The following BBOF1 variants were observed in gnomAD, a reference collection of about 807,000 sequenced individuals.
The protein encoded by BBOF1 is basal body orientation factor 1.
Under a neutral mutation model 68.0 loss-of-function variants are expected in BBOF1, and 62 were observed. The ratio of observed to expected loss-of-function variants is 0.91; its 90% CI spans 0.74 to 1.13. BBOF1 has a LOEUF of 1.13. Among genes scored for constraint, BBOF1 ranks in the 50% most tolerant of loss-of-function variants. BBOF1 has a pLI of 0.00. For synonymous variants in BBOF1, 208 were observed against 198.8 expected, an observed-to-expected ratio of 1.05 and a Z score of -0.39; for missense variants, 534 against 600.1, an observed-to-expected ratio of 0.89 and a Z score of 1.15.
chr14:74,070,880 A>AT, downstream of BBOF1: 3 of 347,480 alleles, frequency 8.6e-6, no homozygotes, highest in Non-Finnish European at 1.6e-5. Context: ...AGATCTGCAA[A>AT]TTCTCTGAAT....
At chr14:74,072,015 T>A in intron 9 of BBOF1, 1 of 1,602,206 alleles carries the variant, frequency 6.2e-7, no homozygotes, top group South Asian at 1.1e-5. Context: ...TGCAAGAATG[T>A]TCCTCTTTTA....
chr14:74,057,755 A>C, intron 11 of BBOF1: 1 of 1,143,810 alleles, frequency 8.7e-7, no homozygotes, highest in African/African-American at 1.7e-5. Context: ...ACATTAGAAC[A>C]AAAAGAAAAT....
chr14:74,027,033 G>T (rs1212766486), intron 2 of BBOF1, among the ~76,000 whole-genome samples: 1 of 150,820 alleles, frequency 6.6e-6, no homozygotes, highest in South Asian at 2.1e-4. Flanking sequence ...ATCCACGAGT[G>T]TGTACTACTA....
rs757981230 is a variant in BBOF1 at position 74,065,227 on chromosome 14, T to C, written c.*528T>C. 1.1e-5 allele frequency: 18 copies of C among 1,614,024 alleles called. No homozygotes were observed. The Middle Eastern group carries it at 6.6e-4, about 59-fold the overall frequency. ...GGCATATTTCCGAGCAGTGGCTCCA[T>C]TGGTGGTGAAGATGGCAGTTCCATT... On this transcript the variant is annotated 3_prime_UTR_variant, in exon 12 of 12. Transcript: ENST00000394009.
At position 74,065,101 on chromosome 14, in the gene BBOF1, A is replaced by G; in HGVS notation, c.*402A>G. The G allele has an allele frequency of 6.5e-7, 1 of 1,548,056 alleles. No homozygotes were observed. Among genetic ancestry groups the G allele is most frequent in the Non-Finnish European group, 8.9e-7 (1 of 1,124,172 alleles). On this transcript the variant is annotated 3_prime_UTR_variant, in exon 12 of 12. Transcript: ENST00000394009. ...AGGTCATGGGGGCAATCTTAAACCA[A>G]TGACTCACCATTATTTACTGTTTCC...
At chr14:74,077,292 T>C (rs890889036) in intron 9 of BBOF1, among the ~76,000 whole-genome samples, 2 of 152,222 alleles carry the variant, frequency 1.3e-5, no homozygotes, top group Non-Finnish European at 2.9e-5. Context: ...TTTTGTCCTC[T>C]GAAAGCAGCC....
At chr14:74,077,953 T>C (rs1231045549) in intron 9 of BBOF1, among the ~76,000 whole-genome samples, 1 of 152,188 alleles carries the variant, frequency 6.6e-6, no homozygotes, top group Non-Finnish European at 1.5e-5. Flanking sequence ...TGTTATGTCA[T>C]TGTAAATAAC....
At chr14:74,057,561 T>C in intron 11 of BBOF1, 2 of 1,329,950 alleles carry the variant, frequency 1.5e-6, no homozygotes, top group Non-Finnish European at 1.9e-6. Context: ...CATAGTGACC[T>C]TGTGACTCTT....
chr14:74,026,153 A>AAG (rs1395442326), intron 2 of BBOF1, among the ~76,000 whole-genome samples: 2 of 143,366 alleles, frequency 1.4e-5, no homozygotes, highest in Admixed American at 7.0e-5. Flanking sequence ...AAAAAAAAAA[A>AAG]AGAGAGAGAC....
chr14:74,067,691 G>C (rs1213358783), downstream of BBOF1: 2 of 1,040,202 alleles, frequency 1.9e-6, no homozygotes, highest in African/African-American at 3.1e-5. Context: ...GGAAGGCTGA[G>C]GTGAGAAGGA....
At position 74,065,009 on chromosome 14, in the gene BBOF1, C is replaced by T; in HGVS notation, c.*310C>T. ...AGGCATCAGAGACCAGTTTTAAATA[C>T]CCACCTTCTACCCTATCCTCTACCC... On this transcript the variant is annotated 3_prime_UTR_variant, in exon 12 of 12. Transcript: ENST00000394009. 4 of 1,387,076 alleles carry T rather than the reference C, an allele frequency of 2.9e-6. No individual in the cohort carries two copies. The South Asian group carries it at 3.6e-5, about 13-fold the overall frequency. 85.9% of individuals were successfully genotyped at this position (1,387,076 alleles called of 1,614,324 possible).
chr14:74,028,515 T>C (rs201215405), intron 2 of BBOF1, among the ~76,000 whole-genome samples: 7 of 128,968 alleles, frequency 5.4e-5, no homozygotes, highest in South Asian at 2.7e-4. Flanking sequence ...CACACACAAA[T>C]AGAGGGAAAG....
intron 12 of BBOF1, among the ~76,000 whole-genome samples, chr14:74,081,549 C>T (rs377549454): frequency 6.0e-4 from 92 of 152,246 alleles, no homozygotes; most frequent in African/African-American, 2.2e-3. Flanking sequence ...CTAAGAAACA[C>T]CCATTAGCAT....
At chr14:74,050,463 T>TA (rs1480081434) in intron 8 of BBOF1, among the ~76,000 whole-genome samples, 2 of 152,204 alleles carry the variant, frequency 1.3e-5, no homozygotes, top group African/African-American at 4.8e-5. Context: ...GGTTGTTTTT[T>TA]ATATAAGATA....
At position 74,065,033 on chromosome 14, in the gene BBOF1, C is replaced by T; in HGVS notation, c.*334C>T. Reference sequence around the variant, plus strand: ...ACCCACCTTCTACCCTATCCTCTACCCCATGAACTTTCATTCCTGAGGAAG... The same window carrying T: ...ACCCACCTTCTACCCTATCCTCTACTCCATGAACTTTCATTCCTGAGGAAG... On this transcript the variant is annotated 3_prime_UTR_variant, in exon 12 of 12. Transcript: ENST00000394009. 2.2e-6 allele frequency: 3 copies of T among 1,372,466 alleles called. No homozygotes were observed. Among genetic ancestry groups the T allele is most frequent in the South Asian group, 2.4e-5 (2 of 82,334 alleles). 85.0% of individuals were successfully genotyped at this position (1,372,466 alleles called of 1,614,324 possible). A position where few individuals can be genotyped will look rare whatever the true frequency, so the allele number is the denominator to read the frequency against.
downstream of BBOF1, among the ~76,000 whole-genome samples, chr14:74,066,311 A>G (rs1156589559): frequency 6.6e-6 from 1 of 152,210 alleles, no homozygotes; most frequent in Non-Finnish European, 1.5e-5. Context: ...GCATTTTTAA[A>G]TGGTTGAAAA....
chr14:74,054,544 A>C (rs572874546), intron 8 of BBOF1, among the ~76,000 whole-genome samples: 142 of 150,494 alleles, frequency 9.4e-4, no homozygotes, highest in Non-Finnish European at 1.8e-3. Flanking sequence ...ATGCCCAGCT[A>C]ATTTTTGTAT....
intron 11 of BBOF1, chr14:74,060,587 G>T: frequency 7.9e-7 from 1 of 1,263,522 alleles, no homozygotes; most frequent in Non-Finnish European, 1.2e-6. Flanking sequence ...AATGAAGCTG[G>T]TCAAAAATAA....
intron 8 of BBOF1, among the ~76,000 whole-genome samples, chr14:74,053,403 AC>A (rs2060113650): frequency 1.3e-5 from 2 of 149,988 alleles, no homozygotes; most frequent in Non-Finnish European, 3.0e-5. Flanking sequence ...GAGCCACTGC[AC>A]CCGGCCGACT....
Sources: allele counts gnomAD v4.1 joint callset (sites outside exome capture counted in the v4.1 genomes callset), GRCh38; gene constraint gnomAD v4.1.1; transcripts MANE v1.5; gene names NCBI Gene and HGNC (gene_info 2026-07-23, HGNC 2026-07-21).